The following POLR3E variants were observed in gnomAD, a reference collection of about 807,000 sequenced individuals.
The protein encoded by POLR3E is RNA polymerase III subunit E.
A neutral mutation model predicts 96.6 loss-of-function variants in POLR3E; 41 were observed. The observed-to-expected ratio is 0.42, with a 90% CI of 0.33 to 0.55. The LOEUF is 0.55. Among genes scored for constraint, POLR3E ranks in the 20% least tolerant of loss-of-function variants. The pLI is 0.06. For synonymous variants in POLR3E, 396 were observed against 383.6 expected (o/e 1.03, Z -0.38); for missense variants, 849 against 952.1 (o/e 0.89, Z 1.43).
chr16:22,330,058 GTTT>G (rs201506303), intron 19 of POLR3E, among the ~76,000 whole-genome samples: 6 of 142,722 alleles, frequency 4.2e-5, no homozygotes, highest in Non-Finnish European at 9.3e-5. Flanking sequence ...TGTTACGCCA[GTTT>G]TTTTTTTTTT....
Position 22,322,723 on chromosome 16 carries a change from T to G in POLR3E, c.987-127T>G, listed in dbSNP as rs1598266812. 4.8e-6 allele frequency: 3 copies of G among 625,406 alleles called. No individual in the cohort carries two copies. The highest frequency in any genetic ancestry group is 2.8e-5 in the East Asian group (1 of 35,388). The allele number at this position is 625,406 out of a possible 1,614,324, so 38.7% of individuals were successfully genotyped here. On this transcript the variant is annotated intron_variant, in intron 13 of 20. Transcript: ENST00000299853. The surrounding 1 kb of genome is among the most constrained non-coding windows in gnomAD (Gnocchi z 5.2). Reference sequence around the variant, plus strand: ...CACAGATGTGGCTCCTAAGGGGAGGTCTTGGGGCTCAGGCCTGTACCCAGC... The same window carrying G: ...CACAGATGTGGCTCCTAAGGGGAGGGCTTGGGGCTCAGGCCTGTACCCAGC...
chr16:22,330,812 T>C (rs907157594), intron 19 of POLR3E, among the ~76,000 whole-genome samples: 4 of 151,218 alleles, frequency 2.6e-5, no homozygotes, highest in African/African-American at 7.3e-5. Context: ...ACATGAACCA[T>C]AGCAAAAAAA....
chr16:22,324,425 T>C lies in POLR3E; in HGVS notation c.1128+12T>C, dbSNP rs753628557. The C allele has an allele frequency of 4.0e-5, 64 of 1,609,342 alleles. No homozygotes were observed. The highest frequency in any genetic ancestry group is 4.8e-5 in the Non-Finnish European group (57 of 1,177,724). On this transcript the variant is annotated intron_variant, in intron 15 of 20. Transcript: ENST00000299853. ...CAACCGTGACCAAAGTAAGTGGCGT[T>C]TTTGTGGTCTGAGGCCCAGGCTGCT...
intron 6 of POLR3E, chr16:22,309,742 G>C (rs959775959): frequency 1.7e-6 from 1 of 579,050 alleles, no homozygotes; most frequent in African/African-American, 1.9e-5. Context: ...GGGGCTCCAA[G>C]TTCATTTGTC....
chr16:22,298,873 C>A, intron 1 of POLR3E: 1 of 436,132 alleles, frequency 2.3e-6, no homozygotes, highest in Non-Finnish European at 4.6e-6. Flanking sequence ...TTGAGAGAAC[C>A]AGCACTGGAT....
chr16:22,316,887 C>CG, intron 10 of POLR3E, 108 bp from the exon 11 acceptor site: 1 of 744,930 alleles, frequency 1.3e-6, no homozygotes, highest in Non-Finnish European at 2.1e-6. Context: ...TGGGGGAGGG[C>CG]GGGGGTGGGC....
In POLR3E at chr16:22,316,675, C is replaced by G. The variant is rs2048362240; in HGVS notation, c.717C>G (p.Val239=). The change falls in exon 10 of 21, where the codon GTC becomes GTG. Residue 239 remains valine (V), a synonymous_variant. Coordinates refer to ENST00000299853, the MANE Select transcript of POLR3E (RefSeq NM_018119.4). ...GSSGVENTEL[V]KSPSEYLMML... The stretch of plus-strand genomic sequence containing the variant: ...GCGGGGTGGAGAACACGGAGCTCGT[C>G]AAGTCACCCAGGTGGGATGGGCTGG... The G allele has an allele frequency of 6.2e-7, 1 of 1,613,738 alleles. No individual in the cohort carries two copies. The highest frequency in any genetic ancestry group is 8.5e-7 in the Non-Finnish European group (1 of 1,179,666).
intron 4 of POLR3E, chr16:22,308,614 A>G: frequency 2.3e-6 from 1 of 444,324 alleles, no homozygotes. Flanking sequence ...GCTTTTCAAG[A>G]GAAGTGGGAA....
chr16:22,305,538 A>G, intron 3 of POLR3E: 1 of 539,934 alleles, frequency 1.9e-6, no homozygotes, highest in South Asian at 1.5e-5. Flanking sequence ...CTCACTTGCA[A>G]AGTGGTGATG....
At chr16:22,323,409 C>T (rs1055427170) in intron 14 of POLR3E, among the ~76,000 whole-genome samples, 3 of 152,022 alleles carry the variant, frequency 2.0e-5, no homozygotes, top group East Asian at 3.9e-4. Context: ...TGGTGTCTCC[C>T]TTCTTCCCAT....
rs1268328738 is a variant in POLR3E at position 22,313,918 on chromosome 16, A to G, written c.473-161A>G. 6.6e-6 allele frequency among the ~76,000 whole-genome samples: 1 copy of G among 152,062 alleles called. No individual in the cohort carries two copies. The highest frequency in any genetic ancestry group is 1.9e-4 in the East Asian group (1 of 5,186). On this transcript the variant is annotated intron_variant, in intron 7 of 20. Coordinates refer to ENST00000299853, the MANE Select transcript of POLR3E (RefSeq NM_018119.4). The surrounding 1 kb of genome is among the most constrained non-coding windows in gnomAD (Gnocchi z 4.1). ...ACATTGCCCAGTATCCCCAGGGTAA[A>G]GGGGCAAAACTGTCCCCGATTGAGA...
intron 19 of POLR3E, 151 bp downstream of exon 19, chr16:22,328,738 C>T (rs530358986): frequency 2.4e-5 from 16 of 663,548 alleles, no homozygotes; most frequent in Admixed American, 8.9e-5. Context: ...CAACTCTGTA[C>T]GCTAACAAAA....
chr16:22,306,504 C>T (rs1363488336), intron 3 of POLR3E, among the ~76,000 whole-genome samples: 2 of 152,178 alleles, frequency 1.3e-5, no homozygotes, highest in East Asian at 1.9e-4. Context: ...CTGCCTGCCT[C>T]GGCCTCCCAT....
chr16:22,321,369 C>A (rs1422592870), intron 13 of POLR3E, among the ~76,000 whole-genome samples: 1 of 152,206 alleles, frequency 6.6e-6, no homozygotes, highest in Admixed American at 6.5e-5. Flanking sequence ...CTTGAAAGCT[C>A]CTCATAGTTG....
Position 22,318,670 on chromosome 16 carries a change from TGA to T in POLR3E, c.866-152_866-151del, listed in dbSNP as rs1224210438. On this transcript the variant is annotated intron_variant, in intron 12 of 20. Transcript: ENST00000299853. The surrounding 1 kb of genome is among the most constrained non-coding windows in gnomAD (Gnocchi z 5.0). ...AGTGCCTGGCATGTAGTGAGCAGCC[TGA>T]GAGTGTCAGCTGTTGGCTATGATGG... Among the ~76,000 whole-genome samples the T allele has an allele frequency of 3.9e-5, 6 of 152,274 alleles. No homozygotes were observed. The East Asian group carries it at 1.2e-3, about 29-fold the overall frequency.
At chr16:22,328,312 T>G in intron 18 of POLR3E, 198 bp from the exon 19 acceptor site, 1 of 589,626 alleles carries the variant, frequency 1.7e-6, no homozygotes, top group Non-Finnish European at 3.1e-6. Context: ...CTGGGGGGTG[T>G]GCTGGCCTCC....
chr16:22,307,602 C>T (rs1183048927), intron 3 of POLR3E, among the ~76,000 whole-genome samples: 2 of 152,224 alleles, frequency 1.3e-5, no homozygotes, highest in African/African-American at 2.4e-5. Flanking sequence ...CGGGCCATGG[C>T]TGCCTGGCTC....
rs1237882362 is a variant in POLR3E, at chr16:22,318,866, C to T, written c.906C>T (p.Gly302=). The T allele has an allele frequency of 1.2e-6, 2 of 1,613,438 alleles. No homozygotes were observed. The highest frequency in any genetic ancestry group is 8.5e-7 in the Non-Finnish European group (1 of 1,179,444). The change falls in exon 13 of 21, where the codon GGC becomes GGT. Residue 302 remains glycine (G), a synonymous_variant. Transcript: ENST00000299853. This position sits in a 1 kb window ranked among gnomAD's most constrained non-coding sequence, Gnocchi z 5.0. ...MPFANLMSLL[G]PSIDSVAVLR... is the part of the protein sequence containing the mutation. ...TTGCCAACTTGATGAGCCTCCTGGG[C>T]CCCTCCATCGATTCCGTGGCTGTTC...
intron 20 of POLR3E, among the ~76,000 whole-genome samples, chr16:22,332,853 C>T (rs1452562156): frequency 6.6e-6 from 1 of 151,448 alleles, no homozygotes; most frequent in Non-Finnish European, 1.5e-5. Context: ...CACTGAGAGA[C>T]AGAAAACTGA....
Sources: allele counts gnomAD v4.1 joint callset (sites outside exome capture counted in the v4.1 genomes callset), GRCh38; gene constraint gnomAD v4.1.1; non-coding constraint Gnocchi (gnomAD v3.1); transcripts MANE v1.5; gene names NCBI Gene and HGNC (gene_info 2026-07-23, HGNC 2026-07-21).